The following PDCD1LG2 variants were observed in gnomAD, a reference collection of about 807,000 sequenced individuals.
PDCD1LG2 encodes the protein B7 dendritic cell molecule.
Under a neutral mutation model 28.2 loss-of-function variants are expected in PDCD1LG2, and 32 were observed. That is an observed-to-expected ratio of 1.13 (90% CI 0.86 to 1.52). The LOEUF is 1.52. Ranked by LOEUF, PDCD1LG2 falls within the 40% of genes most tolerant of loss-of-function variation. The pLI, the probability that PDCD1LG2 is intolerant of heterozygous loss-of-function variation, is 0.00. For missense variants in PDCD1LG2, 385 were observed against 323.8 expected (o/e 1.19, Z -1.45); for synonymous variants, 116 against 120.2 (o/e 0.97, Z 0.23).
intron 3 of PDCD1LG2, among the ~76,000 whole-genome samples, chr9:5,547,068 G>A (rs972167461): frequency 2.0e-5 from 3 of 152,150 alleles, no homozygotes; most frequent in African/African-American, 2.4e-5. Flanking sequence ...TGTGAAGAAC[G>A]GCATGAACAT....
At chr9:5,565,864 A>G (rs536526137) in intron 6 of PDCD1LG2, among the ~76,000 whole-genome samples, 3 of 151,866 alleles carry the variant, frequency 2.0e-5, no homozygotes, top group Non-Finnish European at 2.9e-5. Context: ...AATAACGTAC[A>G]ACAATAACAA....
intron 3 of PDCD1LG2, among the ~76,000 whole-genome samples, chr9:5,535,860 T>C (rs540584127): frequency 6.6e-6 from 1 of 152,298 alleles, no homozygotes; most frequent in South Asian, 2.1e-4. Context: ...CTTCACACTC[T>C]TGTTTGTTCT....
Position 5,555,489 on chromosome 9 carries a change from G to A in PDCD1LG2, c.632-2129G>A, listed in dbSNP as rs78096119. 5.6e-3 allele frequency among the ~76,000 whole-genome samples: 849 copies of A among 152,262 alleles called. 23 individuals carry two copies. The East Asian group carries it at 0.073, about 13-fold the overall frequency. On this transcript the variant is annotated intron_variant, in intron 4 of 6. Coordinates refer to ENST00000397747, the MANE Select transcript of PDCD1LG2 (RefSeq NM_025239.4). ...TGCAAGAATTTTAAAACAACTTAGAGGAATATGTATGAGGATACAGGCTAA... is the reference window on the plus strand; with the variant it reads ...TGCAAGAATTTTAAAACAACTTAGAAGAATATGTATGAGGATACAGGCTAA...
chr9:5,528,742 C>G (rs1157670626), intron 2 of PDCD1LG2, among the ~76,000 whole-genome samples: 8 of 152,158 alleles, frequency 5.3e-5, no homozygotes, highest in Admixed American at 2.0e-4. Context: ...TTTAAAAATT[C>G]TCTATTTTTT....
chr9:5,534,550 A>G (rs1820542797), intron 2 of PDCD1LG2, among the ~76,000 whole-genome samples, 195 bp from the exon 3 acceptor site: 1 of 152,166 alleles, frequency 6.6e-6, no homozygotes, highest in African/African-American at 2.4e-5. Context: ...GAGCCACCTC[A>G]GATCAGCGGG....
intron 2 of PDCD1LG2, among the ~76,000 whole-genome samples, chr9:5,532,331 C>G (rs927606764): frequency 4.6e-5 from 7 of 152,124 alleles, no homozygotes; most frequent in Non-Finnish European, 8.8e-5. Context: ...TAGAGGCAAG[C>G]CAAAAATGTC....
chr9:5,520,828 T>C (rs541701518), intron 1 of PDCD1LG2, among the ~76,000 whole-genome samples: 1 of 152,280 alleles, frequency 6.6e-6, no homozygotes, highest in East Asian at 1.9e-4. Context: ...AAGTTAAATA[T>C]AGAGTTACCA....
chr9:5,569,343 G>A lies in PDCD1LG2; in HGVS notation c.817-611G>A, dbSNP rs959321256. 6.6e-6 allele frequency among the ~76,000 whole-genome samples: 1 copy of A among 152,128 alleles called. No homozygotes were observed. On this transcript the variant is annotated intron_variant, in intron 6 of 6. Transcript: ENST00000397747. This position sits in a 1 kb window ranked among gnomAD's most constrained non-coding sequence, Gnocchi z 4.1. ...CCTAGGTCTGAAGGAGAAAGGGGAG[G>A]GAGCAGTTCCCAGAACCCTAGTAAA...
At chr9:5,539,781 G>C (rs1465422442) in intron 3 of PDCD1LG2, among the ~76,000 whole-genome samples, 1 of 152,198 alleles carries the variant, frequency 6.6e-6, no homozygotes, top group African/African-American at 2.4e-5. Context: ...CATCCTGAAG[G>C]CCTGGGCAGG....
At chr9:5,537,473 T>G (rs1820602494) in intron 3 of PDCD1LG2, among the ~76,000 whole-genome samples, 1 of 152,166 alleles carries the variant, frequency 6.6e-6, no homozygotes, top group East Asian at 1.9e-4. Context: ...TTAATAATAA[T>G]AGAAATAAAT....
At chr9:5,557,812 C>T (rs889427581) in intron 5 of PDCD1LG2, 60 bp downstream of exon 5, 1 of 1,588,598 alleles carries the variant, frequency 6.3e-7, no homozygotes, top group Non-Finnish European at 8.6e-7. Flanking sequence ...TGAGCCACTG[C>T]TTTGCACTGC....
intron 2 of PDCD1LG2, among the ~76,000 whole-genome samples, chr9:5,523,722 T>C (rs138877215): frequency 6.6e-6 from 1 of 152,338 alleles, no homozygotes; most frequent in East Asian, 1.9e-4. Flanking sequence ...CAAAACAGCT[T>C]CAAGTTTCCA....
chr9:5,535,072 A>G lies in PDCD1LG2; in HGVS notation c.361+22A>G, dbSNP rs371300094. 5 of 1,564,712 alleles carry G rather than the reference A, an allele frequency of 3.2e-6. No individual in the cohort carries two copies. In the African/African-American group the frequency reaches 6.8e-5, roughly 21 times the overall value. Reference sequence around the variant, plus strand: ...AAAGGTGAGTGGTGTCAAGGACTAGAATCCATGGAAGCATCTCTCCAACAG... The same window carrying G: ...AAAGGTGAGTGGTGTCAAGGACTAGGATCCATGGAAGCATCTCTCCAACAG... On this transcript the variant is annotated intron_variant, in intron 3 of 6. Coordinates refer to ENST00000397747, the MANE Select transcript of PDCD1LG2 (RefSeq NM_025239.4).
intron 2 of PDCD1LG2, among the ~76,000 whole-genome samples, chr9:5,530,967 C>A (rs1295720016): frequency 6.6e-6 from 1 of 152,194 alleles, no homozygotes; most frequent in Non-Finnish European, 1.5e-5. Context: ...ACTTTGAAGG[C>A]AAGGTGGTAA....
chr9:5,570,175 T>G lies in PDCD1LG2; in HGVS notation c.*216T>G. 1 of 591,352 alleles carries G rather than the reference T, an allele frequency of 1.7e-6. No homozygotes were observed. Among genetic ancestry groups the G allele is most frequent in the East Asian group, 2.6e-5 (1 of 38,090 alleles). The allele number at this position is 591,352 out of a possible 1,614,324, so 36.6% of individuals were successfully genotyped here. A position where few individuals can be genotyped will look rare whatever the true frequency, so the allele number is the denominator to read the frequency against. Reference sequence around the variant, plus strand: ...GATCTGGACTCACCTCTGGAGCCTATGGCTTTAAGCAAGCACTACTGCACT... The same window carrying G: ...GATCTGGACTCACCTCTGGAGCCTAGGGCTTTAAGCAAGCACTACTGCACT... On this transcript the variant is annotated 3_prime_UTR_variant, in exon 7 of 7. Transcript: ENST00000397747.
At chr9:5,526,057 AAAAAAAGT>A (rs908256348) in intron 2 of PDCD1LG2, among the ~76,000 whole-genome samples, 1 of 151,754 alleles carries the variant, frequency 6.6e-6, no homozygotes, top group Non-Finnish European at 1.5e-5. Context: ...AAAAAAAAAA[AAAAAAAGT>A]AAGGAAGAGA....
At chr9:5,567,680 C>T (rs928903220) in intron 6 of PDCD1LG2, among the ~76,000 whole-genome samples, 45 of 152,150 alleles carry the variant, frequency 3.0e-4, no homozygotes, top group African/African-American at 1.1e-3. Flanking sequence ...TCATGATTCC[C>T]AGCATAGTGC....
chr9:5,548,708 T>C (rs1586812411), intron 3 of PDCD1LG2, among the ~76,000 whole-genome samples: 1 of 152,208 alleles, frequency 6.6e-6, no homozygotes, highest in Non-Finnish European at 1.5e-5. Context: ...TGTATGTATC[T>C]GCATGTGTTA....
chr9:5,553,476 G>C, intron 4 of PDCD1LG2, among the ~76,000 whole-genome samples: 1 of 152,280 alleles, frequency 6.6e-6, no homozygotes, highest in African/African-American at 2.4e-5. Flanking sequence ...CTAGAAAGAC[G>C]CTTCTTATAT....
Sources: allele counts gnomAD v4.1 joint callset (sites outside exome capture counted in the v4.1 genomes callset), GRCh38; gene constraint gnomAD v4.1.1; non-coding constraint Gnocchi (gnomAD v3.1); transcripts MANE v1.5; gene names NCBI Gene and HGNC (gene_info 2026-07-23, HGNC 2026-07-21).